The following LRRC8D variants were observed in gnomAD, a reference collection of about 807,000 sequenced individuals.
LRRC8D encodes leucine rich repeat containing 8 VRAC subunit D.
A neutral mutation model predicts 55.8 loss-of-function variants in LRRC8D; 20 were observed. The observed-to-expected ratio is 0.36, with a 90% confidence interval of 0.25 to 0.52. The LOEUF (loss-of-function observed/expected upper bound fraction) is 0.52, where lower values mean the gene tolerates loss of function less well. Ranked by LOEUF, LRRC8D falls within the 20% of genes least tolerant of loss-of-function variation. The pLI is 0.93. For synonymous variants in LRRC8D, 352 were observed against 377.0 expected (o/e 0.93, Z 0.77); for missense variants, 651 against 1,030.8 (o/e 0.63, Z 5.05).
intron 2 of LRRC8D, among the ~76,000 whole-genome samples, chr1:89,916,923 G>C (rs186613679): frequency 2.0e-5 from 3 of 152,218 alleles, no homozygotes; most frequent in South Asian, 2.1e-4. Context: ...TCACAGTGGG[G>C]TTTTATTTCC....
At chr1:89,863,469 A>G (rs1472565523) in intron 2 of LRRC8D, among the ~76,000 whole-genome samples, 1 of 152,190 alleles carries the variant, frequency 6.6e-6, no homozygotes, top group Non-Finnish European at 1.5e-5. Flanking sequence ...TAGTGATCCT[A>G]ATAACCTGGA....
chr1:89,911,151 C>T lies in LRRC8D; in HGVS notation c.-2-21916C>T, dbSNP rs1482308006. The stretch of plus-strand genomic sequence containing the variant: ...TTACTTGAATATATACAGAGCTACT[C>T]ACTCATATGTCCATGCATTTTTGGG... On this transcript the variant is annotated intron_variant, in intron 2 of 2. Transcript: ENST00000337338. The surrounding 1 kb of genome is among the most constrained non-coding windows in gnomAD (Gnocchi z 4.0). 6.6e-6 allele frequency among the ~76,000 whole-genome samples: 1 copy of T among 151,426 alleles called. No individual in the cohort carries two copies. Among genetic ancestry groups the T allele is most frequent in the Non-Finnish European group, 1.5e-5 (1 of 67,878 alleles).
intron 2 of LRRC8D, among the ~76,000 whole-genome samples, chr1:89,922,592 A>T (rs1029623309): frequency 2.0e-5 from 3 of 152,134 alleles, no homozygotes; most frequent in Non-Finnish European, 4.4e-5. Context: ...TTGGGGGCTT[A>T]CTTTGTGCCA....
intron 2 of LRRC8D, among the ~76,000 whole-genome samples, chr1:89,903,387 G>T (rs1662911914): frequency 6.6e-6 from 1 of 152,122 alleles, no homozygotes; most frequent in Non-Finnish European, 1.5e-5. Flanking sequence ...CTCTGTAACG[G>T]CATCTTTTCA....
intron 2 of LRRC8D, among the ~76,000 whole-genome samples, chr1:89,896,239 G>A (rs1662709260): frequency 6.6e-6 from 1 of 152,166 alleles, no homozygotes; most frequent in African/African-American, 2.4e-5. Context: ...GTAGAGGGGT[G>A]GATGAAGGTG....
At chr1:89,846,085 TCTA>T in intron 2 of LRRC8D, among the ~76,000 whole-genome samples, 1 of 152,228 alleles carries the variant, frequency 6.6e-6, no homozygotes, top group African/African-American at 2.4e-5. Context: ...AGCCACTGCC[TCTA>T]CTTTTATACC....
intron 2 of LRRC8D, among the ~76,000 whole-genome samples, chr1:89,912,612 A>T (rs2100945685): frequency 6.6e-6 from 1 of 152,176 alleles, no homozygotes; most frequent in South Asian, 2.1e-4. Context: ...TCACCTCCTT[A>T]ATTGTCTGGT....
At chr1:89,898,773 A>G (rs1169988537) in intron 2 of LRRC8D, among the ~76,000 whole-genome samples, 14 of 152,208 alleles carry the variant, frequency 9.2e-5, no homozygotes, top group Admixed American at 9.2e-4. Context: ...TAAGCATACA[A>G]CTACAAAGTA....
At chr1:89,871,473 T>C (rs1230482336) in intron 2 of LRRC8D, among the ~76,000 whole-genome samples, 1 of 152,204 alleles carries the variant, frequency 6.6e-6, no homozygotes, top group Non-Finnish European at 1.5e-5. Context: ...AAAATATACA[T>C]TCATTTTATA....
At chr1:89,929,805 C>G (rs1007330453) in intron 2 of LRRC8D, 4 of 152,336 alleles carry the variant, frequency 2.6e-5, no homozygotes, top group Admixed American at 6.5e-5. Context: ...TCCCCTACTT[C>G]AGGAGTCCCC....
chr1:89,878,289 G>A lies in LRRC8D; in HGVS notation c.-3+34507G>A, dbSNP rs185220561. On this transcript the variant is annotated intron_variant, in intron 2 of 2. Coordinates refer to ENST00000337338, the MANE Select transcript of LRRC8D (RefSeq NM_001134479.2). ...TGCCTAGATCTGTTATCCAAGGCTC[G>A]AACAGCAGAGTGTTCAGCAGGTATT... is the stretch of plus-strand genomic sequence containing the variant. Among the ~76,000 whole-genome samples, 338 of 152,256 alleles carry A rather than the reference G, an allele frequency of 2.2e-3. 1 individual carries two copies. Among genetic ancestry groups the A allele is most frequent in the African/African-American group, 7.9e-3 (327 of 41,550 alleles).
In LRRC8D at chr1:89,935,742, G is replaced by C. The variant is rs748702763; in HGVS notation, c.*97G>C. On this transcript the variant is annotated 3_prime_UTR_variant, in exon 3 of 3. Coordinates refer to ENST00000337338, the MANE Select transcript of LRRC8D (RefSeq NM_001134479.2). ...TACAAGATAATGCATTTTAGGAGTAGATACATCTTTTAAAATAAAACAGAG... is the reference window on the plus strand; with the variant it reads ...TACAAGATAATGCATTTTAGGAGTACATACATCTTTTAAAATAAAACAGAG... 15 of 1,083,642 alleles carry C rather than the reference G, an allele frequency of 1.4e-5. No individual in the cohort carries two copies. The highest frequency in any genetic ancestry group is 1.9e-5 in the Non-Finnish European group (14 of 744,408). 67.1% of individuals were successfully genotyped at this position (1,083,642 alleles called of 1,614,324 possible). A position where few individuals can be genotyped will look rare whatever the true frequency, so the allele number is the denominator to read the frequency against.
At position 89,935,663 on chromosome 1, in the gene LRRC8D, A is replaced by T; in HGVS notation, c.*18A>T. 1 of 1,604,704 alleles carries T rather than the reference A, an allele frequency of 6.2e-7. No individual in the cohort carries two copies. Among genetic ancestry groups the T allele is most frequent in the Non-Finnish European group, 8.5e-7 (1 of 1,173,332 alleles). Reference sequence around the variant, plus strand: ...GGATTTAAACTAAGATAATATATGCACAGTGATGTGCAGGAACAACTTCCT... The same window carrying T: ...GGATTTAAACTAAGATAATATATGCTCAGTGATGTGCAGGAACAACTTCCT... On this transcript the variant is annotated 3_prime_UTR_variant, in exon 3 of 3. Transcript: ENST00000337338.
intron 2 of LRRC8D, among the ~76,000 whole-genome samples, chr1:89,923,031 A>G (rs1213278503): frequency 6.6e-6 from 1 of 151,928 alleles, no homozygotes; most frequent in African/African-American, 2.4e-5. Context: ...AGAAAACAGG[A>G]TCATAATTCT....
At chr1:89,853,477 A>G (rs1661474239) in intron 2 of LRRC8D, among the ~76,000 whole-genome samples, 1 of 152,254 alleles carries the variant, frequency 6.6e-6, no homozygotes, top group African/African-American at 2.4e-5. Flanking sequence ...AAGACTGAGC[A>G]GACAAAAGAA....
At chr1:89,826,690 C>G (rs1019925613) in intron 1 of LRRC8D, among the ~76,000 whole-genome samples, 8 of 152,216 alleles carry the variant, frequency 5.3e-5, no homozygotes, top group African/African-American at 1.7e-4. Flanking sequence ...ATCAGGATTT[C>G]TTCTCTGCTT....
intron 2 of LRRC8D, among the ~76,000 whole-genome samples, chr1:89,853,591 A>G (rs948965965): frequency 6.6e-6 from 1 of 152,164 alleles, no homozygotes; most frequent in African/African-American, 2.4e-5. Flanking sequence ...CTGTGAAATA[A>G]TTATGTTATT....
At chr1:89,890,104 A>G (rs1350800829) in intron 2 of LRRC8D, among the ~76,000 whole-genome samples, 6 of 152,160 alleles carry the variant, frequency 3.9e-5, no homozygotes, top group South Asian at 4.1e-4. Context: ...GGAGAATGCC[A>G]TGAAACCGGG....
At chr1:89,822,820 C>A (rs935548562) in intron 1 of LRRC8D, among the ~76,000 whole-genome samples, 1 of 152,156 alleles carries the variant, frequency 6.6e-6, no homozygotes, top group East Asian at 1.9e-4. Flanking sequence ...AAAATAGTGA[C>A]CAAACACCTA....
Sources: gnomAD v4.1 joint callset for allele counts (sites outside exome capture counted in the v4.1 genomes callset) on GRCh38, gnomAD v4.1.1 for gene constraint, Gnocchi (gnomAD v3.1) non-coding constraint, MANE v1.5 for transcripts, NCBI Gene and HGNC (gene_info 2026-07-23, HGNC 2026-07-21) for gene names.